Variants in MRPS27 observed in about 807,000 individuals in gnomAD.
The protein encoded by MRPS27 is mitochondrial ribosomal protein S27.
MRPS27 carries 43 observed loss-of-function variants against 48.9 expected under a neutral mutation model. The ratio of observed to expected loss-of-function variants is 0.88; its 90% confidence interval spans 0.69 to 1.13. The LOEUF is 1.13. MRPS27 is among the 50% of genes most tolerant of loss of function. The pLI is 0.00. For missense variants in MRPS27, 467 were observed against 476.3 expected, an observed-to-expected ratio of 0.98 and a Z score of 0.18; for synonymous variants, 188 against 171.9, an observed-to-expected ratio of 1.09 and a Z score of -0.73.
rs375543040 is a variant in MRPS27 at position 72,245,166 on chromosome 5, G to A, written c.282-7038C>T. Reference sequence around the variant, plus strand: ...AGAAGCAGCTGGTAAGACTTCTCCAGCCTCTCTAAAGCTATACACACACTG... The same window carrying A: ...AGAAGCAGCTGGTAAGACTTCTCCAACCTCTCTAAAGCTATACACACACTG... On this transcript the variant is annotated intron_variant, in intron 4 of 10. Coordinates refer to ENST00000261413, the MANE Select transcript of MRPS27 (RefSeq NM_015084.3). 3.9e-5 allele frequency among the ~76,000 whole-genome samples: 6 copies of A among 152,172 alleles called. No individual in the cohort carries two copies. The East Asian group carries it at 9.6e-4, about 24-fold the overall frequency.
At chr5:72,258,265 C>T (rs368089669) in intron 4 of MRPS27, among the ~76,000 whole-genome samples, 3 of 152,124 alleles carry the variant, frequency 2.0e-5, no homozygotes, top group East Asian at 1.9e-4. Flanking sequence ...ACTGTTCCAA[C>T]GTGCACTAAC....
chr5:72,319,778 G>T (rs1237475958), intron 1 of MRPS27, among the ~76,000 whole-genome samples: 1 of 152,014 alleles, frequency 6.6e-6, no homozygotes, highest in Non-Finnish European at 1.5e-5. Flanking sequence ...AACTCCTGGC[G>T]ATCCGCCCGC....
chr5:72,276,742 G>A (rs1262900360), intron 4 of MRPS27, among the ~76,000 whole-genome samples: 1 of 151,950 alleles, frequency 6.6e-6, no homozygotes, highest in Admixed American at 6.6e-5. Flanking sequence ...ACTAAAAAGT[G>A]AGCAAAGCGC....
At chr5:72,316,993 C>T (rs1580124080) in intron 1 of MRPS27, among the ~76,000 whole-genome samples, 1 of 146,820 alleles carries the variant, frequency 6.8e-6, no homozygotes, top group East Asian at 2.1e-4. Flanking sequence ...CACGCCATTG[C>T]ATTCCAACCT....
chr5:72,286,873 A>C (rs1293009884), intron 4 of MRPS27, among the ~76,000 whole-genome samples: 1 of 152,144 alleles, frequency 6.6e-6, no homozygotes, highest in African/African-American at 2.4e-5. Context: ...CCTAATTATA[A>C]AACCTAAAAC....
intron 4 of MRPS27, among the ~76,000 whole-genome samples, chr5:72,277,067 G>A (rs117066659): frequency 5.9e-5 from 9 of 151,858 alleles, no homozygotes; most frequent in East Asian, 5.8e-4. Context: ...GACATGAACC[G>A]ACACCTCTCA....
chr5:72,262,088 C>T (rs1042841338), intron 4 of MRPS27, among the ~76,000 whole-genome samples: 1 of 152,312 alleles, frequency 6.6e-6, no homozygotes, highest in South Asian at 2.1e-4. Context: ...GTGACATTCC[C>T]TAACCTCTAT....
At chr5:72,273,351 G>A (rs1424866286) in intron 4 of MRPS27, among the ~76,000 whole-genome samples, 1 of 152,194 alleles carries the variant, frequency 6.6e-6, no homozygotes, top group African/African-American at 2.4e-5. Context: ...ATTATTTTCT[G>A]TGTGGTAAGA....
intron 4 of MRPS27, among the ~76,000 whole-genome samples, chr5:72,263,663 T>C (rs1380231281): frequency 1.3e-5 from 2 of 151,744 alleles, no homozygotes; most frequent in Non-Finnish European, 2.9e-5. Context: ...GTACTCAACA[T>C]CATTAGTCAT....
At chr5:72,254,918 A>C (rs559991422) in intron 4 of MRPS27, among the ~76,000 whole-genome samples, 1 of 152,250 alleles carries the variant, frequency 6.6e-6, no homozygotes, top group East Asian at 1.9e-4. Context: ...TCTTCAGAGA[A>C]GTGTCTGCTG....
intron 4 of MRPS27, among the ~76,000 whole-genome samples, chr5:72,276,313 G>A (rs1428345389): frequency 2.6e-5 from 4 of 152,146 alleles, no homozygotes; most frequent in Non-Finnish European, 5.9e-5. Context: ...AAGTAATGGG[G>A]AAAAGATTCC....
At chr5:72,263,974 C>G (rs1048618654) in intron 4 of MRPS27, among the ~76,000 whole-genome samples, 4 of 151,844 alleles carry the variant, frequency 2.6e-5, no homozygotes, top group African/African-American at 9.7e-5. Flanking sequence ...CACAATAGCC[C>G]AAAGATAGAA....
intron 4 of MRPS27, among the ~76,000 whole-genome samples, chr5:72,258,124 A>G (rs1748863406): frequency 6.6e-6 from 1 of 151,762 alleles, no homozygotes; most frequent in South Asian, 2.1e-4. Flanking sequence ...ATGACTGGGA[A>G]GCTTAAAAAG....
chr5:72,239,491 A>G (rs577891059), intron 4 of MRPS27, among the ~76,000 whole-genome samples: 1 of 152,254 alleles, frequency 6.6e-6, no homozygotes, highest in African/African-American at 2.4e-5. Context: ...ATTTTTCTCT[A>G]CAAATTAGCC....
chr5:72,233,081 G>A lies in MRPS27; in HGVS notation c.476-523C>T, dbSNP rs570732274. 3.5e-4 allele frequency among the ~76,000 whole-genome samples: 53 copies of A among 152,242 alleles called. 1 individual carries two copies. The South Asian group carries it at 0.011, about 30-fold the overall frequency. The stretch of plus-strand genomic sequence containing the variant: ...CTGGTACCTTCTCACTGTTAAGGCA[G>A]AAGAGGACAAAATGCTAAAGGAAAC... On this transcript the variant is annotated intron_variant, in intron 6 of 10. Coordinates refer to ENST00000261413, the MANE Select transcript of MRPS27 (RefSeq NM_015084.3).
chr5:72,238,022 C>A lies in MRPS27; in HGVS notation c.388G>T (p.Val130Leu), dbSNP rs768787740. Residue 130 changes from valine (V) to leucine (L), a missense_variant, in exon 5 of 11, where the codon GTA becomes TTA. Val to Leu is a conservative substitution (Grantham distance 32). Transcript: ENST00000261413. ...TCCACGGAACAACTCACCTTATTTA[C>A]AAGGGTATATAGGGCTTTGTCTTGT... ...DAQDKALYTLVNKVQYGIFPD... is the reference protein window; with the variant it reads ...DAQDKALYTLLNKVQYGIFPD... 1.9e-6 allele frequency: 3 copies of A among 1,610,032 alleles called. No individual in the cohort carries two copies. Among genetic ancestry groups the A allele is most frequent in the Non-Finnish European group, 2.5e-6 (3 of 1,176,570 alleles).
At chr5:72,273,872 C>T (rs1246347709) in intron 4 of MRPS27, among the ~76,000 whole-genome samples, 2 of 152,108 alleles carry the variant, frequency 1.3e-5, no homozygotes, top group African/African-American at 4.8e-5. Context: ...ACCTTAGCTT[C>T]CTGTAACTGT....
chr5:72,236,072 CAG>C (rs1163997747), intron 5 of MRPS27, among the ~76,000 whole-genome samples: 2 of 152,092 alleles, frequency 1.3e-5, no homozygotes, highest in East Asian at 3.9e-4. Context: ...TTGTTTTCAG[CAG>C]AGTGTCTCAA....
At chr5:72,308,474 A>C (rs888027529) in intron 2 of MRPS27, among the ~76,000 whole-genome samples, 5 of 152,076 alleles carry the variant, frequency 3.3e-5, no homozygotes, top group African/African-American at 1.2e-4. Flanking sequence ...GCGGCGCCCA[A>C]TCACAGCGCT....
Sources: allele counts gnomAD v4.1 joint callset (sites outside exome capture counted in the v4.1 genomes callset), GRCh38; gene constraint gnomAD v4.1.1; transcripts MANE v1.5; gene names NCBI Gene and HGNC (gene_info 2026-07-23, HGNC 2026-07-21).